Variants in DOCK2 observed in about 807,000 individuals in gnomAD.
DOCK2 encodes dedicator of cytokinesis 2, also known as dedicator of cytokinesis protein 2.
Under a neutral mutation model 248.9 loss-of-function variants are expected in DOCK2, and 87 were observed. The observed-to-expected ratio is 0.35, with a 90% CI of 0.29 to 0.42. The LOEUF (loss-of-function observed/expected upper bound fraction) is 0.42. Among genes scored for constraint, DOCK2 ranks in the 10% least tolerant of loss-of-function variants. The probability of loss-of-function intolerance (pLI) is 1.00; values close to 1 mark genes in which losing one functional copy is unlikely to be tolerated. For missense variants in DOCK2, 1,747 were observed against 2,300.2 expected (o/e 0.76, Z 4.92); for synonymous variants, 805 against 821.6 (o/e 0.98, Z 0.35).
At chr5:169,759,491 G>T (rs1764361405) in intron 23 of DOCK2, among the ~76,000 whole-genome samples, 2 of 152,184 alleles carry the variant, frequency 1.3e-5, no homozygotes, top group South Asian at 4.1e-4. Context: ...CTATGTTATT[G>T]CCTCCTTGAA....
At chr5:169,992,592 G>A (rs1416495708) in intron 29 of DOCK2, among the ~76,000 whole-genome samples, 1 of 152,064 alleles carries the variant, frequency 6.6e-6, no homozygotes, top group African/African-American at 2.4e-5. Context: ...AGCCTCCCGA[G>A]TAGCTGGGAT....
intron 27 of DOCK2, among the ~76,000 whole-genome samples, chr5:169,843,350 C>T (rs766934312): frequency 7.2e-5 from 11 of 152,060 alleles, no homozygotes; most frequent in Admixed American, 3.3e-4. Flanking sequence ...GGTGAAACCC[C>T]GTCTCTACTA....
intron 21 of DOCK2, among the ~76,000 whole-genome samples, chr5:169,718,030 C>G (rs568449647): frequency 1.2e-4 from 18 of 151,972 alleles, no homozygotes; most frequent in African/African-American, 4.1e-4. Flanking sequence ...CCACTGCACT[C>G]CAGCCTGGGT....
chr5:169,945,444 G>A (rs1384831624), intron 27 of DOCK2, among the ~76,000 whole-genome samples: 1 of 152,242 alleles, frequency 6.6e-6, no homozygotes, highest in Non-Finnish European at 1.5e-5. Flanking sequence ...ATGCTAACAA[G>A]TGTTATTAAT....
chr5:169,770,620 A>G (rs922891576), intron 25 of DOCK2, among the ~76,000 whole-genome samples: 2 of 152,184 alleles, frequency 1.3e-5, no homozygotes, highest in African/African-American at 4.8e-5. Context: ...TTTGTTAATC[A>G]TTCCACTGCT....
At chr5:170,019,236 C>T (rs1274860812) in intron 33 of DOCK2, 128 bp downstream of exon 33, 4 of 1,416,110 alleles carry the variant, frequency 2.8e-6, no homozygotes, top group South Asian at 1.3e-5. Flanking sequence ...GACATTTATT[C>T]ATGGGTCCGG....
intron 27 of DOCK2, among the ~76,000 whole-genome samples, chr5:169,950,346 C>T (rs1482491874): frequency 6.6e-6 from 1 of 152,212 alleles, no homozygotes; most frequent in Non-Finnish European, 1.5e-5. Flanking sequence ...ATATGCAAAG[C>T]GCTTAGTGTC....
At position 169,670,569 on chromosome 5, in the gene DOCK2, A is replaced by C; in HGVS notation, c.196A>C (p.Ile66Leu). 6.2e-7 allele frequency: 1 copy of C among 1,613,856 alleles called. No homozygotes were observed. Among genetic ancestry groups the C allele is most frequent in the Non-Finnish European group, 8.5e-7 (1 of 1,179,946 alleles). The part of the protein sequence containing the change: ...QGIFPKSFIH[I>L]KEVTVEKRRN... ...CATTTTTCCTAAGTCATTTATCCACATCAAGGAAGTGACAGTTGAGAAAAG... is the reference window on the plus strand; with the variant it reads ...CATTTTTCCTAAGTCATTTATCCACCTCAAGGAAGTGACAGTTGAGAAAAG... Residue 66 changes from isoleucine to leucine, a missense_variant, in exon 4 of 52, where the codon ATC becomes CTC. By Grantham distance (5) the Ile-to-Leu change is conservative. Around this residue, in one of 4 missense-constraint regions of DOCK2, gnomAD observed 375 missense variants for 510.9 expected, o/e 0.73. Coordinates refer to ENST00000520908, the MANE Select transcript of DOCK2 (RefSeq NM_004946.3).
intron 27 of DOCK2, among the ~76,000 whole-genome samples, chr5:169,913,348 G>A (rs1230949041): frequency 6.6e-6 from 1 of 152,040 alleles, no homozygotes; most frequent in African/African-American, 2.4e-5. Context: ...CTGATCTATG[G>A]CTAGAACTAT....
At chr5:170,006,056 C>G (rs748437736) in intron 30 of DOCK2, among the ~76,000 whole-genome samples, 1 of 152,120 alleles carries the variant, frequency 6.6e-6, no homozygotes, top group Non-Finnish European at 1.5e-5. Context: ...GTTTCAAATT[C>G]CCATCTTAAA....
At chr5:169,934,472 AAG>A (rs1256867058) in intron 27 of DOCK2, among the ~76,000 whole-genome samples, 1 of 152,224 alleles carries the variant, frequency 6.6e-6, no homozygotes, top group East Asian at 1.9e-4. Context: ...GTTTTGTAGT[AAG>A]AGGTGCATGC....
Position 169,759,693 on chromosome 5 carries a change from C to T in DOCK2, c.2377-12C>T, listed in dbSNP as rs369885105. The T allele has an allele frequency of 5.6e-6, 9 of 1,613,822 alleles. No individual in the cohort carries two copies. In the African/African-American group the frequency reaches 1.1e-4, roughly 19 times the overall value. ...GTGAGGATCACTTATATGTATTTTACATTCCACCTAGGTGGCGGCTTTGAA... is the reference window on the plus strand; with the variant it reads ...GTGAGGATCACTTATATGTATTTTATATTCCACCTAGGTGGCGGCTTTGAA... On this transcript the variant is annotated splice_polypyrimidine_tract_variant and intron_variant, in intron 23 of 51. Transcript: ENST00000520908.
intron 27 of DOCK2, among the ~76,000 whole-genome samples, chr5:169,859,958 C>CTTT (rs759586059): frequency 1.0e-3 from 109 of 107,150 alleles, no homozygotes; most frequent in Non-Finnish European, 1.2e-3. Context: ...GTGGATCCTT[C>CTTT]TTTTTTTTTT....
At chr5:169,994,392 G>T (rs1233079024) in intron 29 of DOCK2, among the ~76,000 whole-genome samples, 1 of 152,154 alleles carries the variant, frequency 6.6e-6, no homozygotes, top group Non-Finnish European at 1.5e-5. Context: ...TTGCAATGAG[G>T]ATCCCTTGGG....
intron 26 of DOCK2, among the ~76,000 whole-genome samples, chr5:169,822,566 C>A (rs1221242711): frequency 6.6e-6 from 1 of 152,116 alleles, no homozygotes; most frequent in African/African-American, 2.4e-5. Context: ...TTCTTTGAAA[C>A]CAACGAGAAC....
chr5:170,004,752 T>A (rs1386895559), intron 30 of DOCK2, among the ~76,000 whole-genome samples: 2 of 146,338 alleles, frequency 1.4e-5, no homozygotes, highest in Non-Finnish European at 3.0e-5. Flanking sequence ...AAATGATGAG[T>A]TCATGTCCTT....
Position 170,046,649 on chromosome 5 carries a change from G to C in DOCK2, c.3966+744G>C, listed in dbSNP as rs919713761. On this transcript the variant is annotated intron_variant, in intron 39 of 51. Coordinates refer to ENST00000520908, the MANE Select transcript of DOCK2 (RefSeq NM_004946.3). The stretch of plus-strand genomic sequence containing the variant: ...AGCTGAGCTGTTAACTGTTTTCACT[G>C]TTTGTAAGATAATACACAAATACAC... Among the ~76,000 whole-genome samples, 7 of 152,296 alleles carry C rather than the reference G, an allele frequency of 4.6e-5. No homozygotes were observed. In the South Asian group the frequency reaches 1.4e-3, roughly 32 times the overall value.
At chr5:170,082,715 T>C (rs1448159790) in intron 51 of DOCK2, 81 bp from the exon 52 acceptor site, 3 of 1,561,452 alleles carry the variant, frequency 1.9e-6, no homozygotes, top group Middle Eastern at 1.7e-4. Context: ...GAGGCCCTTG[T>C]GATTAGGACT....
intron 5 of DOCK2, among the ~76,000 whole-genome samples, chr5:169,671,873 T>G (rs1759066459): frequency 6.6e-6 from 1 of 152,360 alleles, no homozygotes; most frequent in South Asian, 2.1e-4. Flanking sequence ...CATTTCATAA[T>G]ATGAAGATGT....
Sources: allele counts gnomAD v4.1 joint callset (sites outside exome capture counted in the v4.1 genomes callset), GRCh38; gene constraint gnomAD v4.1.1; regional missense constraint gnomAD v4.1.1; transcripts MANE v1.5; gene names NCBI Gene and HGNC (gene_info 2026-07-23, HGNC 2026-07-21).